PGBD5: variants seen among roughly 807,000 people sequenced by gnomAD.
PGBD5 encodes the protein piggyBac transposable element-derived protein 5.
Under a neutral mutation model 47.9 loss-of-function variants are expected in PGBD5, and 14 were observed. The ratio of observed to expected loss-of-function variants is 0.29; its 90% CI spans 0.19 to 0.46. PGBD5 has a LOEUF of 0.46. PGBD5 is among the 20% of genes least tolerant of loss of function. The pLI is 1.00. For missense variants in PGBD5, 635 were observed against 716.0 expected, an observed-to-expected ratio of 0.89 and a Z score of 1.29; for synonymous variants, 316 against 306.3, an observed-to-expected ratio of 1.03 and a Z score of -0.33.
intron 1 of PGBD5, among the ~76,000 whole-genome samples, chr1:230,390,554 C>T (rs1478003362): frequency 6.6e-6 from 1 of 152,072 alleles, no homozygotes; most frequent in Non-Finnish European, 1.5e-5. Context: ...GGCATCTCAC[C>T]CAGAGGGTGG....
chr1:230,394,263 G>A (rs916380407), intron 1 of PGBD5, among the ~76,000 whole-genome samples: 5 of 151,570 alleles, frequency 3.3e-5, no homozygotes, highest in Admixed American at 2.6e-4. Flanking sequence ...CCTCCGTTTC[G>A]TTTCCCCTAA....
At chr1:230,397,707 A>G (rs575517222) in intron 1 of PGBD5, among the ~76,000 whole-genome samples, 1 of 152,360 alleles carries the variant, frequency 6.6e-6, no homozygotes, top group South Asian at 2.1e-4. Context: ...GTGACTTAAG[A>G]TGGTGATCTC....
chr1:230,366,513 C>T (rs2820379), intron 1 of PGBD5, among the ~76,000 whole-genome samples: 96,357 of 152,012 alleles, frequency 0.63, 31,882 homozygotes, highest in Non-Finnish European at 0.74. Flanking sequence ...TTGAGGAATG[C>T]AAATTATTAT....
At chr1:230,392,584 G>C (rs186579617) in intron 1 of PGBD5, among the ~76,000 whole-genome samples, 8 of 152,300 alleles carry the variant, frequency 5.3e-5, no homozygotes, top group African/African-American at 1.9e-4. Context: ...CTCAGCCCCT[G>C]CCTCCTCCGG....
chr1:230,346,341 T>C (rs964494614), intron 3 of PGBD5, among the ~76,000 whole-genome samples: 3 of 152,162 alleles, frequency 2.0e-5, no homozygotes, highest in African/African-American at 7.2e-5. Context: ...GTGCTTAACC[T>C]GACAAGGTAT....
At chr1:230,345,119 C>T (rs1370610847) in intron 3 of PGBD5, among the ~76,000 whole-genome samples, 1 of 152,082 alleles carries the variant, frequency 6.6e-6, no homozygotes, top group Admixed American at 6.6e-5. Context: ...ATTAGTGGAC[C>T]TTTTTTTTCT....
intron 1 of PGBD5, among the ~76,000 whole-genome samples, chr1:230,364,268 T>G (rs1210078212): frequency 6.6e-6 from 1 of 152,210 alleles, no homozygotes; most frequent in African/African-American, 2.4e-5. Flanking sequence ...CCAGGTGAAA[T>G]AACTTACACC....
chr1:230,396,899 T>C (rs1192615746), intron 1 of PGBD5, among the ~76,000 whole-genome samples: 1 of 152,122 alleles, frequency 6.6e-6, no homozygotes, highest in Non-Finnish European at 1.5e-5. Context: ...CTATGTACAA[T>C]GGCCACTCAC....
chr1:230,392,799 AG>A lies in PGBD5; in HGVS notation c.331+32798del, dbSNP rs1180985720. Among the ~76,000 whole-genome samples the A allele has an allele frequency of 2.0e-5, 3 of 152,230 alleles. No homozygotes were observed. In the East Asian group the frequency reaches 5.8e-4, roughly 30 times the overall value. Reference sequence around the variant, plus strand: ...TTGGCTCTCCGGCCTGGGAAGCTGGAGGGGCTGAGCTAGAAAAGTTCAGCCC... The same window carrying A: ...TTGGCTCTCCGGCCTGGGAAGCTGGAGGGCTGAGCTAGAAAAGTTCAGCCC... On this transcript the variant is annotated intron_variant, in intron 1 of 6. Transcript: ENST00000391860.
chr1:230,380,375 T>C (rs1334009041), intron 1 of PGBD5, among the ~76,000 whole-genome samples: 1 of 152,260 alleles, frequency 6.6e-6, no homozygotes, highest in Non-Finnish European at 1.5e-5. Flanking sequence ...CAGGGCGCTC[T>C]GCCTCCCTGT....
intron 3 of PGBD5, among the ~76,000 whole-genome samples, chr1:230,341,141 T>C (rs771249933): frequency 1.5e-4 from 23 of 151,986 alleles, no homozygotes; most frequent in Admixed American, 2.6e-4. Flanking sequence ...AAATAATGAG[T>C]TTCTAAAAGT....
chr1:230,414,575 C>A (rs1382223858), intron 1 of PGBD5, among the ~76,000 whole-genome samples: 1 of 152,180 alleles, frequency 6.6e-6, no homozygotes, highest in Non-Finnish European at 1.5e-5. Flanking sequence ...ACTGTTGTCT[C>A]AATTTCCAAT....
At chr1:230,342,598 G>C (rs1667421769) in intron 3 of PGBD5, among the ~76,000 whole-genome samples, 1 of 152,194 alleles carries the variant, frequency 6.6e-6, no homozygotes. Context: ...CTTGTCATGA[G>C]AGGAACTGAG....
chr1:230,360,336 A>C (rs1280936905), intron 1 of PGBD5, among the ~76,000 whole-genome samples: 1 of 151,988 alleles, frequency 6.6e-6, no homozygotes, highest in Non-Finnish European at 1.5e-5. Flanking sequence ...GGGATTTGAG[A>C]AGTCCTGGCA....
At chr1:230,336,071 G>C (rs1276786763) in intron 4 of PGBD5, 1 of 152,106 alleles carries the variant, frequency 6.6e-6, no homozygotes, top group Non-Finnish European at 1.5e-5. Flanking sequence ...TGTACGAGTG[G>C]GCAGGAGAGA....
At chr1:230,367,778 A>C (rs1169844787) in intron 1 of PGBD5, among the ~76,000 whole-genome samples, 1 of 152,174 alleles carries the variant, frequency 6.6e-6, no homozygotes. Context: ...ACAGAAAAAA[A>C]CACTCCGGCA....
chr1:230,342,019 T>C (rs1667413834), intron 3 of PGBD5, among the ~76,000 whole-genome samples: 1 of 152,182 alleles, frequency 6.6e-6, no homozygotes, highest in Non-Finnish European at 1.5e-5. Flanking sequence ...AAAAGGATCT[T>C]AGGAATTATG....
At chr1:230,422,757 G>T (rs1210740684) in intron 1 of PGBD5, among the ~76,000 whole-genome samples, 1 of 152,164 alleles carries the variant, frequency 6.6e-6, no homozygotes, top group Non-Finnish European at 1.5e-5. Flanking sequence ...AAAGGGCTGG[G>T]AAGACAAGAA....
intron 1 of PGBD5, among the ~76,000 whole-genome samples, chr1:230,393,960 C>T (rs1656857592): frequency 6.6e-6 from 1 of 152,134 alleles, no homozygotes; most frequent in African/African-American, 2.4e-5. Context: ...GCCTGGCATC[C>T]TCTGCAGGCT....
Sources: gnomAD v4.1 joint callset for allele counts (sites outside exome capture counted in the v4.1 genomes callset) on GRCh38, gnomAD v4.1.1 for gene constraint, MANE v1.5 for transcripts, NCBI Gene and HGNC (gene_info 2026-07-23, HGNC 2026-07-21) for gene names.